The following KIF16B variants were observed in gnomAD, a reference collection of about 807,000 sequenced individuals.
KIF16B encodes kinesin family member 16B, also known as kinesin-like protein KIF16B.
Under a neutral mutation model 156.3 loss-of-function variants are expected in KIF16B, and 98 were observed. The observed-to-expected ratio is 0.63, with a 90% confidence interval of 0.53 to 0.74. The LOEUF (loss-of-function observed/expected upper bound fraction) is 0.74, where lower values mean the gene tolerates loss of function less well. Among genes scored for constraint, KIF16B ranks in the 30% least tolerant of loss-of-function variants. The pLI is 0.00. For synonymous variants in KIF16B, 564 were observed against 583.7 expected, an observed-to-expected ratio of 0.97 and a Z score of 0.49; for missense variants, 1,421 against 1,606.5, an observed-to-expected ratio of 0.88 and a Z score of 1.97.
chr20:16,464,000 T>G (rs1032302400), intron 12 of KIF16B, among the ~76,000 whole-genome samples: 6 of 152,182 alleles, frequency 3.9e-5, no homozygotes, highest in Non-Finnish European at 8.8e-5. Context: ...TGTGGCCCCA[T>G]CAATGCCCTT....
chr20:16,481,145 A>C (rs1397418125), intron 12 of KIF16B, among the ~76,000 whole-genome samples: 1 of 152,158 alleles, frequency 6.6e-6, no homozygotes, highest in Admixed American at 6.5e-5. Context: ...CGGTAGGCTG[A>C]GAAAACTGTC....
At chr20:16,411,405 T>C (rs940390338) in intron 15 of KIF16B, among the ~76,000 whole-genome samples, 1 of 152,118 alleles carries the variant, frequency 6.6e-6, no homozygotes, top group Non-Finnish European at 1.5e-5. Flanking sequence ...TACTCTTCTG[T>C]AAGACATTTC....
chr20:16,336,143 A>G (rs948910127), intron 23 of KIF16B, 128 bp from the exon 24 acceptor site: 1 of 623,670 alleles, frequency 1.6e-6, no homozygotes, highest in Non-Finnish European at 2.8e-6. Flanking sequence ...AACTGAAAAC[A>G]TTAATCTAGC....
intron 24 of KIF16B, among the ~76,000 whole-genome samples, chr20:16,321,720 C>T (rs1447202184): frequency 6.6e-6 from 1 of 151,798 alleles, no homozygotes; most frequent in Non-Finnish European, 1.5e-5. Context: ...AAAATGGGGC[C>T]TGATATAATA....
intron 12 of KIF16B, among the ~76,000 whole-genome samples, chr20:16,462,989 C>T (rs2067388897): frequency 6.6e-6 from 1 of 152,174 alleles, no homozygotes; most frequent in Non-Finnish European, 1.5e-5. Flanking sequence ...AGTTTCTTCC[C>T]ACGCTATGCA....
Position 16,429,926 on chromosome 20 carries a change from C to A in KIF16B, c.1359G>T (p.Leu453=), listed in dbSNP as rs923247568. The A allele has an allele frequency of 6.2e-7, 1 of 1,612,774 alleles. No homozygotes were observed. The highest frequency in any genetic ancestry group is 2.2e-5 in the East Asian group (1 of 44,786). Reference sequence around the variant, plus strand: ...CATCATCGATGCCAATCAAATGAGGCAGTTCAGAATCCAAAACAACTCCAA... The same window carrying A: ...CATCATCGATGCCAATCAAATGAGGAAGTTCAGAATCCAAAACAACTCCAA... ...EGIGVVLDSE[L]PHLIGIDDDL... The change falls in exon 13 of 26, where the codon CTG becomes CTT. Residue 453 remains leucine, a synonymous_variant. Transcript: ENST00000354981.
intron 22 of KIF16B, among the ~76,000 whole-genome samples, chr20:16,359,587 G>T (rs889847284): frequency 3.4e-5 from 5 of 146,424 alleles, no homozygotes; most frequent in African/African-American, 1.3e-4. Flanking sequence ...TTCTAAGAAT[G>T]TACCAGGGTA....
intron 1 of KIF16B, among the ~76,000 whole-genome samples, chr20:16,552,590 T>C (rs1473802484): frequency 6.6e-6 from 1 of 152,062 alleles, no homozygotes; most frequent in East Asian, 1.9e-4. Context: ...CAGCATCCAG[T>C]ACAACAAAGG....
chr20:16,502,774 TTCA>T (rs1380559039), intron 10 of KIF16B, among the ~76,000 whole-genome samples: 3 of 152,236 alleles, frequency 2.0e-5, no homozygotes, highest in Admixed American at 2.0e-4. Context: ...ATTTTTACCC[TTCA>T]TTCTTTTAAC....
intron 24 of KIF16B, 86 bp downstream of exon 24, chr20:16,335,840 G>C (rs2064026189): frequency 6.3e-6 from 5 of 796,366 alleles, no homozygotes; most frequent in Non-Finnish European, 1.0e-5. Flanking sequence ...GAGAGACAGA[G>C]AGAGAGATAA....
intron 25 of KIF16B, among the ~76,000 whole-genome samples, chr20:16,288,824 T>C (rs2063268940): frequency 6.6e-6 from 1 of 152,086 alleles, no homozygotes; most frequent in African/African-American, 2.4e-5. Flanking sequence ...GTGATAAGGT[T>C]ATTGGGATCC....
chr20:16,277,102 A>G (rs749658380), intron 25 of KIF16B, among the ~76,000 whole-genome samples: 54 of 152,282 alleles, frequency 3.5e-4, no homozygotes, highest in Non-Finnish European at 6.5e-4. Flanking sequence ...TGAACTTCAT[A>G]TGAGCGGAAT....
At chr20:16,324,102 G>C (rs1369315425) in intron 24 of KIF16B, among the ~76,000 whole-genome samples, 1 of 151,950 alleles carries the variant, frequency 6.6e-6, no homozygotes, top group African/African-American at 2.4e-5. Context: ...CAAATATGCA[G>C]ATGAAGTAAC....
Position 16,506,022 on chromosome 20 carries a change from C to G in KIF16B, c.868G>C (p.Ala290Pro). The G allele has an allele frequency of 6.2e-7, 1 of 1,614,094 alleles. No homozygotes were observed. The highest frequency in any genetic ancestry group is 8.5e-7 in the Non-Finnish European group (1 of 1,179,970). ...VTLGNVISAL[A>P]DLSQDAANTL... ...AGGCAGGAGCCAGGCGTAAGCATAC[C>G]TAAGGCAGAAATGACGTTCCCCAGA... The change falls in exon 8 of 26, where the codon GCT (alanine) becomes CCT (proline). Residue 290 changes from alanine to proline, a missense_variant and splice_region_variant. Physicochemically the swap from Ala to Pro is conservative, Grantham distance 27. Coordinates refer to ENST00000354981, the MANE Select transcript of KIF16B (RefSeq NM_024704.5).
At chr20:16,456,410 T>C (rs759329466) in intron 12 of KIF16B, among the ~76,000 whole-genome samples, 4 of 152,188 alleles carry the variant, frequency 2.6e-5, no homozygotes, top group Middle Eastern at 6.8e-3. Flanking sequence ...TTGCTAAAAA[T>C]AGTCCTGCTG....
Position 16,513,004 on chromosome 20 carries a change from A to G in KIF16B, c.349-81T>C, listed in dbSNP as rs2069007766. On this transcript the variant is annotated intron_variant, in intron 4 of 25. Coordinates refer to ENST00000354981, the MANE Select transcript of KIF16B (RefSeq NM_024704.5). ...CTGAATTTGCAATTTGCTGGCATGAAGTTAGACTCAAGTGACCTGTATGCC... is the reference window on the plus strand; with the variant it reads ...CTGAATTTGCAATTTGCTGGCATGAGGTTAGACTCAAGTGACCTGTATGCC... 6 of 1,029,050 alleles carry G rather than the reference A, an allele frequency of 5.8e-6. No homozygotes were observed. In the South Asian group the frequency reaches 8.0e-5, roughly 14 times the overall value. The allele number at this position is 1,029,050 out of a possible 1,614,324, so 63.7% of individuals were successfully genotyped here.
rs1484601117 is a variant in KIF16B at position 16,573,423 on chromosome 20, G to A, written c.-148C>T. 3.5e-5 allele frequency: 28 copies of A among 790,090 alleles called. No individual in the cohort carries two copies. The East Asian group carries it at 6.7e-4, about 19-fold the overall frequency. 48.9% of individuals were successfully genotyped at this position (790,090 alleles called of 1,614,324 possible). Reference sequence around the variant, plus strand: ...CGGCCGGACCTGGAGTTCCGCGGCAGCCCCACCTGCCAGGCCACTGAGCAT... The same window carrying A: ...CGGCCGGACCTGGAGTTCCGCGGCAACCCCACCTGCCAGGCCACTGAGCAT... On this transcript the variant is annotated 5_prime_UTR_variant, in exon 1 of 26. Coordinates refer to ENST00000354981, the MANE Select transcript of KIF16B (RefSeq NM_024704.5).
Position 16,484,007 on chromosome 20 carries a change from C to T in KIF16B, c.1302+10284G>A, listed in dbSNP as rs549053783. On this transcript the variant is annotated intron_variant, in intron 12 of 25. Transcript: ENST00000354981. ...GTACAAGTGTACATAAAGCACACTT[C>T]CATATGACCAATCTTTTCCTCTCTG... Among the ~76,000 whole-genome samples, 178 of 138,392 alleles carry T rather than the reference C, an allele frequency of 1.3e-3. 1 individual carries two copies. Among genetic ancestry groups the T allele is most frequent in the African/African-American group, 5.8e-3 (168 of 28,868 alleles). 90.8% of individuals were successfully genotyped at this position (138,392 alleles called of 152,430 possible).
intron 12 of KIF16B, among the ~76,000 whole-genome samples, chr20:16,444,597 G>A (rs772125317): frequency 3.3e-5 from 5 of 152,188 alleles, no homozygotes; most frequent in Admixed American, 6.5e-5. Context: ...TTTCGGAGCA[G>A]CAGTTTGCTG....
Sources: gnomAD v4.1 joint callset for allele counts (sites outside exome capture counted in the v4.1 genomes callset) on GRCh38, gnomAD v4.1.1 for gene constraint, MANE v1.5 for transcripts, NCBI Gene and HGNC (gene_info 2026-07-23, HGNC 2026-07-21) for gene names.